RCBTB2: variants seen among roughly 807,000 people sequenced by gnomAD.
RCBTB2 encodes RCC1 and BTB domain-containing protein 2.
A neutral mutation model predicts 65.4 loss-of-function variants in RCBTB2; 55 were observed. That is an observed-to-expected ratio of 0.84 (90% CI 0.68 to 1.05). RCBTB2 has a LOEUF of 1.05. Among genes scored for constraint, RCBTB2 ranks in the 50% least tolerant of loss-of-function variants. RCBTB2 has a pLI of 0.00. For synonymous variants in RCBTB2, 220 were observed against 255.2 expected (o/e 0.86, Z 1.31); for missense variants, 599 against 680.1 (o/e 0.88, Z 1.33).
intron 4 of RCBTB2, among the ~76,000 whole-genome samples, chr13:48,520,433 T>C (rs1471234001): frequency 6.6e-6 from 1 of 152,194 alleles, no homozygotes; most frequent in East Asian, 1.9e-4. Flanking sequence ...TCCCTAGAAT[T>C]CAGTCCTGGT....
Position 48,515,357 on chromosome 13 carries a change from T to C in RCBTB2, c.199-2A>G. On this transcript the variant is annotated splice_acceptor_variant, in intron 5 of 14. Coordinates refer to ENST00000344532, the MANE Select transcript of RCBTB2 (RefSeq NM_001268.4). LOFTEE classifies it high-confidence loss of function. ...GCAGTTTGTGCCAAGCACAAAAATCTATGGGAAAAACCACTGTTAGTTCAA... is the reference window on the plus strand; with the variant it reads ...GCAGTTTGTGCCAAGCACAAAAATCCATGGGAAAAACCACTGTTAGTTCAA... The C allele has an allele frequency of 6.2e-7, 1 of 1,611,678 alleles. No individual in the cohort carries two copies. The highest frequency in any genetic ancestry group is 2.2e-5 in the East Asian group (1 of 44,882).
chr13:48,490,250 T>A lies in RCBTB2; in HGVS notation c.1517A>T (p.Asp506Val), dbSNP rs1231530574. 1 of 1,611,696 alleles carries A rather than the reference T, an allele frequency of 6.2e-7. No homozygotes were observed. ...LSAAVKYDAQ[D>V]LEEFCFRFCI... ...AAACCTGAAGCAGAATTCTTCTAAA[T>A]CCTAGGAACAACAACAAAGATGGTT... Residue 506 changes from aspartate to valine, a missense_variant and splice_region_variant, in exon 15 of 15, where the codon GAT becomes GTT. Coordinates refer to ENST00000344532, the MANE Select transcript of RCBTB2 (RefSeq NM_001268.4).
Position 48,489,940 on chromosome 13 carries a change from A to C in RCBTB2, c.*171T>G, listed in dbSNP as rs143282542. The stretch of plus-strand genomic sequence containing the variant: ...TCAGAACATTCAATGCTTTCTACAT[A>C]AACTCTGGGTTTAGGCAGACAAAGA... On this transcript the variant is annotated 3_prime_UTR_variant, in exon 15 of 15. Coordinates refer to ENST00000344532, the MANE Select transcript of RCBTB2 (RefSeq NM_001268.4). The C allele has an allele frequency of 1.3e-3, 909 of 694,808 alleles. 8 individuals are homozygous for C. The East Asian group carries it at 0.023, about 18-fold the overall frequency. The allele number at this position is 694,808 out of a possible 1,614,324, so 43.0% of individuals were successfully genotyped here.
At chr13:48,522,205 T>A (rs1351592289) in intron 3 of RCBTB2, 103 bp downstream of exon 3, 2 of 814,960 alleles carry the variant, frequency 2.5e-6, no homozygotes, top group African/African-American at 3.4e-5. Context: ...TCTGAAAAAG[T>A]AGTCTCAAAA....
In RCBTB2 at chr13:48,504,229, G is replaced by C. The variant is rs937280156; in HGVS notation, c.927-1315C>G. ...TCTCTCTTCTGCCCCAACTCACACA[G>C]TGCTGGCAGGTTAATCATCCTCTTG... On this transcript the variant is annotated intron_variant, in intron 10 of 14. Transcript: ENST00000344532. 1.4e-5 allele frequency: 14 copies of C among 985,268 alleles called. No individual in the cohort carries two copies. In the African/African-American group the frequency reaches 2.4e-4, roughly 17 times the overall value. The allele number at this position is 985,268 out of a possible 1,614,324, so 61.0% of individuals were successfully genotyped here.
At chr13:48,493,309 A>ACTCTCTCTCTCTCTCTCTCTCTCTCT (rs1429120157) in intron 14 of RCBTB2, among the ~76,000 whole-genome samples, 2 of 47,924 alleles carry the variant, frequency 4.2e-5, no homozygotes, top group South Asian at 8.8e-4. Flanking sequence ...ACACACACAC[A>ACTCTCTCTCTCTCTCTCTCTCTCTCT]CACACACTCT....
At chr13:48,527,738 TC>T (rs1951886443) in intron 1 of RCBTB2, among the ~76,000 whole-genome samples, 2 of 152,324 alleles carry the variant, frequency 1.3e-5, no homozygotes, top group South Asian at 4.1e-4. Flanking sequence ...TTTTAAAGTA[TC>T]CCTGTTTGGG....
At chr13:48,510,511 T>A in intron 10 of RCBTB2, 118 bp downstream of exon 10, 1 of 1,200,210 alleles carries the variant, frequency 8.3e-7, no homozygotes, top group Non-Finnish European at 1.2e-6. Flanking sequence ...ATAAATACTC[T>A]TGTTAAATAA....
At chr13:48,513,969 G>T (rs1030807268) in intron 6 of RCBTB2, among the ~76,000 whole-genome samples, 1 of 152,152 alleles carries the variant, frequency 6.6e-6, no homozygotes, top group Non-Finnish European at 1.5e-5. Flanking sequence ...GGCATAGTAA[G>T]AGATTAACAA....
At chr13:48,502,475 A>G (rs1457415057) in intron 11 of RCBTB2, among the ~76,000 whole-genome samples, 2 of 152,212 alleles carry the variant, frequency 1.3e-5, no homozygotes, top group African/African-American at 2.4e-5. Flanking sequence ...CCTGGGCAAC[A>G]GAGCAAGACC....
chr13:48,507,009 A>C (rs1415084055), intron 10 of RCBTB2, among the ~76,000 whole-genome samples: 1 of 152,206 alleles, frequency 6.6e-6, no homozygotes, highest in Non-Finnish European at 1.5e-5. Flanking sequence ...TCCATGAAAG[A>C]GGGTAGCCTC....
chr13:48,535,277 A>G (rs1952349557), upstream of RCBTB2, among the ~76,000 whole-genome samples: 1 of 135,880 alleles, frequency 7.4e-6, no homozygotes, highest in Admixed American at 7.7e-5. Flanking sequence ...TTTTTTTGAG[A>G]TAGAATCTTG....
chr13:48,519,875 T>C (rs936826516), intron 4 of RCBTB2, among the ~76,000 whole-genome samples: 1 of 152,188 alleles, frequency 6.6e-6, no homozygotes, highest in Non-Finnish European at 1.5e-5. Context: ...ATTTGCATTT[T>C]TTGAAGTACA....
chr13:48,502,187 T>A lies in RCBTB2; in HGVS notation c.1118-319A>T, dbSNP rs1350337544. 3.3e-5 allele frequency among the ~76,000 whole-genome samples: 5 copies of A among 152,034 alleles called. No individual in the cohort carries two copies. In the South Asian group the frequency reaches 8.3e-4, roughly 25 times the overall value. On this transcript the variant is annotated intron_variant, in intron 11 of 14. Transcript: ENST00000344532. ...AGTAAAAAACAGTTTCTCAGTAAAA[T>A]TAAAAAGCACTCAAATAAGGATAGG...
intron 4 of RCBTB2, among the ~76,000 whole-genome samples, chr13:48,518,318 G>A (rs527711708): frequency 1.3e-4 from 19 of 151,950 alleles, no homozygotes; most frequent in Middle Eastern, 6.8e-3. Context: ...GTTCCCTCAC[G>A]TGCCACTTGG....
intron 2 of RCBTB2, among the ~76,000 whole-genome samples, chr13:48,523,174 ATACT>A (rs1951518824): frequency 6.6e-6 from 1 of 152,228 alleles, no homozygotes; most frequent in Admixed American, 6.5e-5. Flanking sequence ...ATTTTAATTA[ATACT>A]TACTACATAT....
intron 14 of RCBTB2, among the ~76,000 whole-genome samples, chr13:48,493,357 A>C (rs889927479): frequency 3.1e-3 from 250 of 79,948 alleles, no homozygotes; most frequent in Middle Eastern, 8.3e-3. Flanking sequence ...TCTCTCTCTC[A>C]CCCTCTCTCT....
At chr13:48,526,635 C>T (rs762195547) in intron 1 of RCBTB2, among the ~76,000 whole-genome samples, 25 of 152,042 alleles carry the variant, frequency 1.6e-4, no homozygotes, top group Non-Finnish European at 3.5e-4. Flanking sequence ...TAAAAATAGC[C>T]TGGGCGCGGT....
intron 1 of RCBTB2, among the ~76,000 whole-genome samples, chr13:48,525,414 A>G (rs1951667969): frequency 8.4e-6 from 1 of 118,836 alleles, no homozygotes; most frequent in Non-Finnish European, 1.8e-5. Context: ...ATATATATAT[A>G]TATATTCAGT....
Sources: allele counts gnomAD v4.1 joint callset (sites outside exome capture counted in the v4.1 genomes callset), GRCh38; gene constraint gnomAD v4.1.1; transcripts MANE v1.5; gene names NCBI Gene and HGNC (gene_info 2026-07-23, HGNC 2026-07-21).